The following ANAPC2 variants were observed in gnomAD, a reference collection of about 807,000 sequenced individuals.
The protein encoded by ANAPC2 is anaphase promoting complex subunit 2, also known as anaphase-promoting complex subunit 2.
Under a neutral mutation model 84.3 loss-of-function variants are expected in ANAPC2, and 29 were observed. That is an observed-to-expected ratio of 0.34 (90% CI 0.26 to 0.47). ANAPC2 has a LOEUF of 0.47. Among genes scored for constraint, ANAPC2 ranks in the 20% least tolerant of loss-of-function variants. The pLI is 1.00. For synonymous variants in ANAPC2, 571 were observed against 479.4 expected (o/e 1.19, Z -2.50); for missense variants, 857 against 1,131.7 (o/e 0.76, Z 3.48).
At chr9:137,185,854 G>A (rs1834454174) in intron 3 of ANAPC2, among the ~76,000 whole-genome samples, 1 of 152,144 alleles carries the variant, frequency 6.6e-6, no homozygotes, top group South Asian at 2.1e-4. Flanking sequence ...CAGTCCATTA[G>A]GGACCGGCCA....
At chr9:137,179,710 G>A (rs370080282) in intron 10 of ANAPC2, among the ~76,000 whole-genome samples, 9 of 152,386 alleles carry the variant, frequency 5.9e-5, no homozygotes, top group South Asian at 4.1e-4. Context: ...CCTGGAGAAG[G>A]GGGCAGGGCT....
At position 137,186,335 on chromosome 9, in the gene ANAPC2, C is replaced by G; in HGVS notation, c.762G>C (p.Glu254Asp). 1 of 1,608,048 alleles carries G rather than the reference C, an allele frequency of 6.2e-7. No homozygotes were observed. Among genetic ancestry groups the G allele is most frequent in the South Asian group, 1.1e-5 (1 of 90,352 alleles). ...SQVLHRLSLL[E>D]RVSAEAVTTT... ...TGGTCACAGCCTCGGCACTGACCCG[C>G]TCCAGCAGACTGAGCCTGTGTCTAG... is the stretch of plus-strand genomic sequence containing the variant. Residue 254 changes from glutamate to aspartate, a missense_variant, in exon 3 of 13, where the codon GAG becomes GAC. Glu to Asp is a conservative substitution (Grantham distance 45). Around this residue, in one of 3 missense-constraint regions of ANAPC2, gnomAD observed 428 missense variants for 513.8 expected, o/e 0.83. Transcript: ENST00000323927.
chr9:137,175,322 C>A lies in ANAPC2; in HGVS notation c.2171G>T (p.Arg724Leu), dbSNP rs376464638. Residue 724 changes from arginine (R) to leucine (L), a missense_variant, in exon 12 of 13, where the codon CGG becomes CTG. By Grantham distance (102) the Arg-to-Leu change is moderately radical. Around this residue, in one of 3 missense-constraint regions of ANAPC2, gnomAD observed 425 missense variants for 595.5 expected, o/e 0.71. Coordinates refer to ENST00000323927, the MANE Select transcript of ANAPC2 (RefSeq NM_013366.4). ...ACTGTCAATGAGCACCATGTTGTCC[C>A]GGTCCTGAGGCCGCTCCTCCTCAAT... ...SVIEEERPQD[R>L]DNMVLIDSDD... is the part of the protein sequence containing the mutation. The A allele has an allele frequency of 3.1e-6, 5 of 1,612,700 alleles. No homozygotes were observed. Among genetic ancestry groups the A allele is most frequent in the Middle Eastern group, 1.7e-4 (1 of 6,058 alleles).
In ANAPC2 at chr9:137,188,524, C is replaced by T. The variant is rs1287750787; in HGVS notation, c.9G>A (p.Ala3=). 3.1e-6 allele frequency: 5 copies of T among 1,607,652 alleles called. No individual in the cohort carries two copies. The highest frequency in any genetic ancestry group is 3.4e-6 in the Non-Finnish European group (4 of 1,178,536). The change falls in exon 1 of 13, where the codon GCG becomes GCA. Residue 3 remains alanine, a synonymous_variant. Transcript: ENST00000323927. The stretch of plus-strand genomic sequence containing the variant: ...TGTCCCCCTCCGCCACCACAACTGC[C>T]GCCGCCATCTGCACCCACCGACTCC... MA[A]AVVVAEGDSD...
chr9:137,186,680 C>T (rs997389853), intron 2 of ANAPC2: 2 of 362,524 alleles, frequency 5.5e-6, no homozygotes, highest in Middle Eastern at 7.3e-4. Flanking sequence ...CTCCTAGGAT[C>T]AACTCTGAAA....
intron 10 of ANAPC2, among the ~76,000 whole-genome samples, chr9:137,179,250 C>A (rs1041789919): frequency 5.3e-5 from 8 of 152,154 alleles, no homozygotes; most frequent in Non-Finnish European, 8.8e-5. Context: ...CCCCCCAGTC[C>A]TGAGCACTCG....
intron 10 of ANAPC2, 47 bp downstream of exon 10, chr9:137,180,134 A>G: frequency 6.3e-7 from 1 of 1,583,296 alleles, no homozygotes; most frequent in Non-Finnish European, 8.6e-7. Flanking sequence ...CCCGCAGTGC[A>G]GGGTAGGGGT....
chr9:137,175,217 C>A lies in ANAPC2; in HGVS notation c.2256+20G>T. On this transcript the variant is annotated intron_variant, in intron 12 of 12. Coordinates refer to ENST00000323927, the MANE Select transcript of ANAPC2 (RefSeq NM_013366.4). ...GCCTCGCCCCCGCCCCCTGGCCCCCCGTGGGGCCTGCACGCGCACCAGCAG... is the reference window on the plus strand; with the variant it reads ...GCCTCGCCCCCGCCCCCTGGCCCCCAGTGGGGCCTGCACGCGCACCAGCAG... 1 of 1,609,290 alleles carries A rather than the reference C, an allele frequency of 6.2e-7. No individual in the cohort carries two copies. Among genetic ancestry groups the A allele is most frequent in the Non-Finnish European group, 8.5e-7 (1 of 1,178,442 alleles).
At chr9:137,183,622 T>C (rs1347021752) in intron 5 of ANAPC2, 50 bp downstream of exon 5, 3 of 1,580,876 alleles carry the variant, frequency 1.9e-6, no homozygotes, top group Non-Finnish European at 2.6e-6. Context: ...ATGGGTCCCC[T>C]GGTGAGTGTC....
chr9:137,183,016 C>T, intron 6 of ANAPC2, 109 bp downstream of exon 6: 1 of 856,762 alleles, frequency 1.2e-6, no homozygotes, highest in Non-Finnish European at 1.9e-6. Flanking sequence ...CCGGGGGAGA[C>T]CTTGTGTCCT....
chr9:137,181,233 T>C (rs780673368), intron 7 of ANAPC2, among the ~76,000 whole-genome samples: 3 of 152,202 alleles, frequency 2.0e-5, no homozygotes, highest in Admixed American at 6.5e-5. Flanking sequence ...AGACTTACCA[T>C]CTGTGCCAGG....
rs1412783405 is a variant in ANAPC2, at chr9:137,180,805, G to A, written c.1593C>T (p.Phe531=). ...SLLADRLLHQ[F]SFSPEREIRN... is the part of the protein sequence containing the mutation. ...GGCCTCACCGCTCGGGGCTGAAGCT[G>A]AACTGGTGCAGCAGGCGGTCGGCCA... The change falls in exon 8 of 13, where the codon TTC becomes TTT. Residue 531 remains phenylalanine, a synonymous_variant. Coordinates refer to ENST00000323927, the MANE Select transcript of ANAPC2 (RefSeq NM_013366.4). The A allele has an allele frequency of 6.2e-7, 1 of 1,611,912 alleles. No individual in the cohort carries two copies. The highest frequency in any genetic ancestry group is 1.3e-5 in the African/African-American group (1 of 74,940).
chr9:137,177,755 C>T (rs547051939), intron 10 of ANAPC2, among the ~76,000 whole-genome samples: 3 of 152,116 alleles, frequency 2.0e-5, no homozygotes, highest in African/African-American at 2.4e-5. Context: ...TTTGGAAATA[C>T]GGTCATTAAA....
At chr9:137,187,133 G>A (rs1588766122) in intron 2 of ANAPC2, 2 of 278,024 alleles carry the variant, frequency 7.2e-6, no homozygotes, top group East Asian at 1.4e-4. Flanking sequence ...ACAGGGCAAG[G>A]AATGTCGACG....
In ANAPC2 at chr9:137,175,032, C is replaced by G; in HGVS notation, c.2379G>C (p.Gln793His). The G allele has an allele frequency of 1.9e-6, 3 of 1,605,146 alleles. No homozygotes were observed. Among genetic ancestry groups the G allele is most frequent in the Non-Finnish European group, 2.5e-6 (3 of 1,176,726 alleles). The change falls in exon 13 of 13, where the codon CAG becomes CAC. Residue 793 changes from glutamine to histidine, a missense_variant. Physicochemically the swap from Gln to His is conservative, Grantham distance 24 (BLOSUM62 0). Transcript: ENST00000323927. ...TCTTCTGCAGGTAGCCCTGCAGCTC[C>G]TGCAGGTCAATCTCGGCCAGTGCAG... The part of the protein sequence containing the change: ...TGPALAEIDL[Q>H]ELQGYLQKKV...
intron 10 of ANAPC2, among the ~76,000 whole-genome samples, chr9:137,178,671 G>A (rs1834275327): frequency 6.6e-6 from 1 of 152,128 alleles, no homozygotes; most frequent in African/African-American, 2.4e-5. Flanking sequence ...CGAGGTGTGG[G>A]GATGGCCAGG....
At chr9:137,186,833 G>A (rs1214513787) in intron 2 of ANAPC2, 2 of 166,644 alleles carry the variant, frequency 1.2e-5, no homozygotes, top group African/African-American at 4.8e-5. Flanking sequence ...GCAGGGATGA[G>A]CCCAACAGAA....
In ANAPC2 at chr9:137,175,030, T is replaced by G; in HGVS notation, c.2381A>C (p.Glu794Ala). Residue 794 changes from glutamate (E) to alanine (A), a missense_variant, in exon 13 of 13, where the codon GAG becomes GCG. This residue lies in a region of ANAPC2 where 425 missense variants were observed against 595.5 expected (regional missense o/e 0.71). Coordinates refer to ENST00000323927, the MANE Select transcript of ANAPC2 (RefSeq NM_013366.4). ...GPALAEIDLQ[E>A]LQGYLQKKVR... is the part of the protein sequence containing the mutation. Reference sequence around the variant, plus strand: ...CTTCTTCTGCAGGTAGCCCTGCAGCTCCTGCAGGTCAATCTCGGCCAGTGC... The same window carrying G: ...CTTCTTCTGCAGGTAGCCCTGCAGCGCCTGCAGGTCAATCTCGGCCAGTGC... 44 of 1,604,818 alleles carry G rather than the reference T, an allele frequency of 2.7e-5. No individual in the cohort carries two copies. Among genetic ancestry groups the G allele is most frequent in the Non-Finnish European group, 3.6e-5 (42 of 1,176,542 alleles).
intron 5 of ANAPC2, 56 bp from the exon 6 acceptor site, chr9:137,183,298 G>C: frequency 7.0e-7 from 1 of 1,429,506 alleles, no homozygotes; most frequent in Non-Finnish European, 9.8e-7. Context: ...CAGCCTCCCA[G>C]GGGCAACACC....
Sources: gnomAD v4.1 joint callset for allele counts (sites outside exome capture counted in the v4.1 genomes callset) on GRCh38, gnomAD v4.1.1 for gene constraint, gnomAD v4.1.1 regional missense constraint, MANE v1.5 for transcripts, NCBI Gene and HGNC (gene_info 2026-07-23, HGNC 2026-07-21) for gene names.